The following DDX60L variants were observed in gnomAD, a reference collection of about 807,000 sequenced individuals.
DDX60L encodes the protein DExD/H-box 60 like.
A neutral mutation model predicts 211.6 loss-of-function variants in DDX60L; 191 were observed. The observed-to-expected ratio is 0.90, with a 90% CI of 0.80 to 1.02. The LOEUF is 1.02. Among genes scored for constraint, DDX60L ranks in the 50% least tolerant of loss-of-function variants. The pLI is 0.00. For missense variants in DDX60L, 2,007 were observed against 1,984.1 expected, an observed-to-expected ratio of 1.01 and a Z score of -0.22; for synonymous variants, 706 against 694.1, an observed-to-expected ratio of 1.02 and a Z score of -0.27.
chr4:168,438,907 C>T (rs2130135), intron 10 of DDX60L, among the ~76,000 whole-genome samples: 44,033 of 152,044 alleles, frequency 0.29, 8,052 homozygotes, highest in East Asian at 0.62. Context: ...TTTTTGTTTT[C>T]TTCTTTTATC....
intron 32 of DDX60L, 80 bp from the exon 33 acceptor site, chr4:168,378,555 A>G (rs1403822444): frequency 1.7e-6 from 2 of 1,201,434 alleles, no homozygotes; most frequent in African/African-American, 3.2e-5. Flanking sequence ...TTTTTATAGT[A>G]CATTTCCTTT....
chr4:168,357,485 A>G lies in DDX60L; in HGVS notation c.*662T>C, dbSNP rs1159857390. 2 of 152,382 alleles carry G rather than the reference A, an allele frequency of 1.3e-5. No individual in the cohort carries two copies. Among genetic ancestry groups the G allele is most frequent in the Non-Finnish European group, 2.9e-5 (2 of 68,206 alleles). 9.4% of individuals were successfully genotyped at this position (152,382 alleles called of 1,614,324 possible). On this transcript the variant is annotated 3_prime_UTR_variant, in exon 38 of 38. Coordinates refer to ENST00000682922, the MANE Select transcript of DDX60L (RefSeq NM_001012967.3). ...TTGGTCTGCAGATGGCCATCTTCCC[A>G]TTGTATCATCCAGTGGTAGTGAGCA...
At chr4:168,467,376 T>C (rs1324344409) in intron 4 of DDX60L, among the ~76,000 whole-genome samples, 1 of 149,836 alleles carries the variant, frequency 6.7e-6, no homozygotes, top group Non-Finnish European at 1.5e-5. Context: ...GCTACTGCTA[T>C]GTTGCAGCCT....
intron 29 of DDX60L, among the ~76,000 whole-genome samples, chr4:168,386,694 A>T (rs1000181450): frequency 2.0e-5 from 3 of 152,008 alleles, no homozygotes; most frequent in African/African-American, 7.2e-5. Flanking sequence ...TTTTAATCAA[A>T]GTCACGTCCC....
intron 22 of DDX60L, among the ~76,000 whole-genome samples, chr4:168,409,328 A>T (rs1244737769): frequency 6.6e-6 from 1 of 152,256 alleles, no homozygotes; most frequent in East Asian, 1.9e-4. Flanking sequence ...GCACATGGCC[A>T]AAATGATGAT....
At chr4:168,449,805 T>TA (rs777111638) in intron 8 of DDX60L, among the ~76,000 whole-genome samples, 14,630 of 77,542 alleles carry the variant, frequency 0.19, 988 homozygotes, top group South Asian at 0.29. Flanking sequence ...TGGGTAAAAA[T>TA]AAAAAAAAAA....
At chr4:168,464,865 T>C (rs1365834730) in intron 4 of DDX60L, among the ~76,000 whole-genome samples, 10 of 152,154 alleles carry the variant, frequency 6.6e-5, no homozygotes, top group Admixed American at 5.9e-4. Context: ...ATATAGTGTA[T>C]ATATACACCA....
At chr4:168,390,098 A>G (rs1380837796) in intron 29 of DDX60L, 2 of 981,186 alleles carry the variant, frequency 2.0e-6, no homozygotes. Flanking sequence ...AATAAAATCC[A>G]TTCACAGAGA....
chr4:168,409,736 C>T lies in DDX60L; in HGVS notation c.2980-3030G>A, dbSNP rs185751288. ...AGTAATTTCCATTTAATTCCTTACT[C>T]GTGCATTCGATCCACAAATTATTTA... On this transcript the variant is annotated intron_variant, in intron 22 of 37. Transcript: ENST00000682922. 2.6e-3 allele frequency among the ~76,000 whole-genome samples: 400 copies of T among 152,264 alleles called. 1 individual carries two copies. The highest frequency in any genetic ancestry group is 4.9e-3 in the Non-Finnish European group (331 of 68,012).
At chr4:168,426,518 T>C (rs1751473617) in intron 14 of DDX60L, among the ~76,000 whole-genome samples, 1 of 152,224 alleles carries the variant, frequency 6.6e-6, no homozygotes, top group Non-Finnish European at 1.5e-5. Context: ...ATGTGATCTT[T>C]ATTAACTGGA....
At chr4:168,390,449 A>G (rs950173776) in intron 29 of DDX60L, 6 of 1,349,260 alleles carry the variant, frequency 4.4e-6, no homozygotes, top group Non-Finnish European at 9.5e-7. Flanking sequence ...GCAACATCCT[A>G]AAAGGTCATG....
chr4:168,373,900 G>C (rs1741473214), intron 34 of DDX60L, 92 bp from the exon 35 acceptor site: 2 of 1,261,654 alleles, frequency 1.6e-6, no homozygotes, highest in South Asian at 2.8e-5. Flanking sequence ...CACAGTAGGT[G>C]ACATTCATCT....
chr4:168,406,502 G>T, intron 23 of DDX60L, 100 bp downstream of exon 23: 2 of 802,996 alleles, frequency 2.5e-6, no homozygotes, highest in Non-Finnish European at 4.0e-6. Flanking sequence ...CATCAACCAA[G>T]TAGAGAGAAT....
At chr4:168,404,683 ACTTTTATC>A (rs1482861674) in intron 24 of DDX60L, among the ~76,000 whole-genome samples, 2 of 152,314 alleles carry the variant, frequency 1.3e-5, no homozygotes, top group East Asian at 3.9e-4. Context: ...GTGGATAGTA[ACTTTTATC>A]CTACTATTCC....
chr4:168,457,873 G>T lies in DDX60L; in HGVS notation c.723+19C>A. On this transcript the variant is annotated intron_variant, in intron 6 of 37. Coordinates refer to ENST00000682922, the MANE Select transcript of DDX60L (RefSeq NM_001012967.3). ...AAATTCTATCAAACTTTTATTTAAA[G>T]AAATAAAAATTTTAATACCTCTTCC... is the stretch of plus-strand genomic sequence containing the variant. The T allele has an allele frequency of 7.1e-7, 1 of 1,413,176 alleles. No homozygotes were observed. The allele number at this position is 1,413,176 out of a possible 1,614,324, so 87.5% of individuals were successfully genotyped here.
chr4:168,420,286 T>A lies in DDX60L; in HGVS notation c.2489A>T (p.Tyr830Phe). Reference sequence around the variant, plus strand: ...CTGACAGTTTAGTACATTGTGACAATAATCTCTTGTAAAAGCACCGCATAG... The same window carrying A: ...CTGACAGTTTAGTACATTGTGACAAAAATCTCTTGTAAAAGCACCGCATAG... ...RTLCGAFTRDYCHNVLNCQVL... is the reference protein window; with the variant it reads ...RTLCGAFTRDFCHNVLNCQVL... Residue 830 changes from tyrosine to phenylalanine, a missense_variant, in exon 18 of 38, where the codon TAT becomes TTT. By Grantham distance (22) the Tyr-to-Phe change is conservative. Transcript: ENST00000682922. The A allele has an allele frequency of 6.2e-7, 1 of 1,603,898 alleles. No individual in the cohort carries two copies. The highest frequency in any genetic ancestry group is 8.5e-7 in the Non-Finnish European group (1 of 1,176,016).
intron 3 of DDX60L, 51 bp downstream of exon 3, chr4:168,472,404 C>T: frequency 7.4e-7 from 1 of 1,343,482 alleles, no homozygotes; most frequent in South Asian, 1.3e-5. Context: ...GATGTGGAAA[C>T]ACAGAGCATA....
At chr4:168,405,798 A>G (rs1008620919) in intron 24 of DDX60L, among the ~76,000 whole-genome samples, 152 bp downstream of exon 24, 4 of 152,018 alleles carry the variant, frequency 2.6e-5, no homozygotes, top group Non-Finnish European at 4.4e-5. Flanking sequence ...CCTTTATTCT[A>G]TCTCATACTC....
chr4:168,466,340 A>G (rs1470684977), intron 4 of DDX60L, among the ~76,000 whole-genome samples: 1 of 152,198 alleles, frequency 6.6e-6, no homozygotes, highest in African/African-American at 2.4e-5. Flanking sequence ...TTAGCAATAT[A>G]AAGGATAAAT....
Sources: allele counts gnomAD v4.1 joint callset (sites outside exome capture counted in the v4.1 genomes callset), GRCh38; gene constraint gnomAD v4.1.1; transcripts MANE v1.5; gene names NCBI Gene and HGNC (gene_info 2026-07-23, HGNC 2026-07-21).